SLC19A1: variants seen among roughly 807,000 people sequenced by gnomAD.
SLC19A1 encodes solute carrier family 19 member 1.
SLC19A1 carries 37 observed loss-of-function variants against 35.3 expected under a neutral mutation model. The ratio of observed to expected loss-of-function variants is 1.05; its 90% CI spans 0.81 to 1.38. The LOEUF (loss-of-function observed/expected upper bound fraction) is 1.38. Among genes scored for constraint, SLC19A1 ranks in the 40% most tolerant of loss-of-function variants. The pLI, the probability that SLC19A1 is intolerant of heterozygous loss-of-function variation, is 0.00. For synonymous variants in SLC19A1, 460 were observed against 398.5 expected, an observed-to-expected ratio of 1.15 and a Z score of -1.84; for missense variants, 831 against 826.9, an observed-to-expected ratio of 1.00 and a Z score of -0.06.
Position 45,515,968 on chromosome 21 carries a change from T to A in SLC19A1, c.1466A>T (p.Lys489Met). Residue 489 changes from lysine to methionine, a missense_variant, in exon 6 of 6, where the codon AAG becomes ATG. Lys to Met is a moderately conservative substitution (Grantham distance 95, BLOSUM62 -1). Transcript: ENST00000311124. ...KAAQALSVQD[K>M]GLGGLQPAQS... The stretch of plus-strand genomic sequence containing the variant: ...GGCTGGCTGCAGGCCTCCGAGGCCC[T>A]TGTCCTGCACGCTCAGTGCCTGTGC... The A allele has an allele frequency of 6.5e-7, 1 of 1,548,174 alleles. No homozygotes were observed. The highest frequency in any genetic ancestry group is 8.7e-7 in the Non-Finnish European group (1 of 1,146,870).
chr21:45,509,662 G>A, downstream of SLC19A1: 2 of 925,170 alleles, frequency 2.2e-6, no homozygotes, highest in Non-Finnish European at 3.4e-6. Flanking sequence ...GGCAGCAGAA[G>A]AGGGCCCAGC....
downstream of SLC19A1, among the ~76,000 whole-genome samples, chr21:45,508,540 G>A (rs979900754): frequency 6.6e-6 from 1 of 152,108 alleles, no homozygotes; most frequent in Non-Finnish European, 1.5e-5. Flanking sequence ...GTGGATGGAT[G>A]GGTAGAAATA....
upstream of SLC19A1, among the ~76,000 whole-genome samples, chr21:45,544,598 C>T (rs368348107): frequency 1.3e-5 from 2 of 152,180 alleles, no homozygotes; most frequent in African/African-American, 2.4e-5. Context: ...AGTGCCTGAG[C>T]GTCAGGGATG....
Position 45,533,287 on chromosome 21 carries a change from CTGGG to C in SLC19A1, c.190-1143_190-1140del, listed in dbSNP as rs2077997132. Among the ~76,000 whole-genome samples the C allele has an allele frequency of 2.8e-5, 1 of 36,344 alleles. No individual in the cohort carries two copies. The highest frequency in any genetic ancestry group is 7.1e-4 in the East Asian group (1 of 1,410). The allele number at this position is 36,344 out of a possible 152,430, so 23.8% of individuals were successfully genotyped here. A position where few individuals can be genotyped will look rare whatever the true frequency, so the allele number is the denominator to read the frequency against. On this transcript the variant is annotated intron_variant, in intron 2 of 5. Coordinates refer to ENST00000311124, the MANE Select transcript of SLC19A1 (RefSeq NM_194255.4). This position sits in a 1 kb window ranked among gnomAD's most constrained non-coding sequence, Gnocchi z 4.5. ...ATCCACCTTCCATGGGAACGTGGAG[CTGGG>C]CACGGGGCTGGGGGTGCTACCTCCT...
intron 1 of SLC19A1, among the ~76,000 whole-genome samples, chr21:45,538,891 C>A (rs1384768156): frequency 6.6e-6 from 1 of 152,186 alleles, no homozygotes; most frequent in Admixed American, 6.5e-5. Context: ...GCACCCCCGC[C>A]CCACACGGCC....
At chr21:45,548,827 C>A (rs2146484461), upstream of SLC19A1, among the ~76,000 whole-genome samples, 1 of 152,278 alleles carries the variant, frequency 6.6e-6, no homozygotes, top group Admixed American at 6.5e-5. Context: ...TCATAAATAT[C>A]ATAATCCTTT....
At chr21:45,520,742 C>T (rs532827886) in intron 5 of SLC19A1, among the ~76,000 whole-genome samples, 9 of 152,266 alleles carry the variant, frequency 5.9e-5, no homozygotes, top group South Asian at 2.1e-4. Flanking sequence ...AGACACTAGC[C>T]GGGCATGGTG....
intron 1 of SLC19A1, among the ~76,000 whole-genome samples, chr21:45,560,288 G>A (rs1015350849): frequency 4.6e-5 from 7 of 152,330 alleles, no homozygotes; most frequent in African/African-American, 1.7e-4. Flanking sequence ...GAGGCCAGCA[G>A]GAGCGGGACA....
At chr21:45,560,635 G>A (rs2078606844) in intron 1 of SLC19A1, among the ~76,000 whole-genome samples, 1 of 152,260 alleles carries the variant, frequency 6.6e-6, no homozygotes, top group South Asian at 2.1e-4. Context: ...CACACGGCGG[G>A]GCAGGGGAGC....
upstream of SLC19A1, among the ~76,000 whole-genome samples, chr21:45,548,554 GC>G (rs1404009723): frequency 1.3e-5 from 2 of 152,110 alleles, no homozygotes; most frequent in Non-Finnish European, 2.9e-5. Context: ...GACCAGCCTG[GC>G]CAACATGGTG....
intron 3 of SLC19A1, chr21:45,505,141 A>C (rs1418335395): frequency 1.2e-6 from 2 of 1,609,498 alleles, no homozygotes; most frequent in Non-Finnish European, 1.7e-6. Flanking sequence ...TAGGGTCCCA[A>C]GGGAGAGAGC....
In SLC19A1 at chr21:45,531,963, G is replaced by C; in HGVS notation, c.375C>G (p.Phe125Leu). The stretch of plus-strand genomic sequence containing the variant: ...TGCGCGCGGCCATGGTGACGCTGTA[G>C]AAGAGCTCCATGAGCTGCATGTGCG... ...SVAHMQLMEL[F>L]YSVTMAARIA... The change falls in exon 3 of 6, where the codon TTC becomes TTG. Residue 125 changes from phenylalanine (F) to leucine (L), a missense_variant. Coordinates refer to ENST00000311124, the MANE Select transcript of SLC19A1 (RefSeq NM_194255.4). 6.2e-7 allele frequency: 1 copy of C among 1,609,172 alleles called. No homozygotes were observed. The highest frequency in any genetic ancestry group is 8.5e-7 in the Non-Finnish European group (1 of 1,178,956).
chr21:45,510,983 CACCCCACACACACAACACA>C, downstream of SLC19A1: 6 of 24,372 alleles, frequency 2.5e-4, 1 homozygote, highest in South Asian at 8.7e-4. Context: ...ACACCCCCCA[CACCCCACACACACAACACA>C]CCCCCCCCCC....
At position 45,537,943 on chromosome 21, in the gene SLC19A1, G is replaced by C. The variant is rs1321094603; in HGVS notation, c.17C>G (p.Pro6Arg). The change falls in exon 2 of 6, where the codon CCA becomes CGA. Residue 6 changes from proline to arginine, a missense_variant. By Grantham distance (103) the Pro-to-Arg change is moderately radical. Coordinates refer to ENST00000311124, the MANE Select transcript of SLC19A1 (RefSeq NM_194255.4). The stretch of plus-strand genomic sequence containing the variant: ...CACGGGCACCTGCTTCTCCACCGCT[G>C]GGCTGGAGGGCACCATCCTGCTCAG... The part of the protein sequence containing the change: MVPSS[P>R]AVEKQVPVEP... The C allele has an allele frequency of 6.3e-7, 1 of 1,575,400 alleles. No individual in the cohort carries two copies. The highest frequency in any genetic ancestry group is 8.6e-7 in the Non-Finnish European group (1 of 1,165,550).
At chr21:45,504,175 C>A in intron 3 of SLC19A1, 1 of 1,206,662 alleles carries the variant, frequency 8.3e-7, no homozygotes, top group Non-Finnish European at 1.2e-6. Flanking sequence ...CTGCGAGGGG[C>A]GCTGGCTCCA....
chr21:45,509,688 G>A (rs1018417377), downstream of SLC19A1: 2 of 813,742 alleles, frequency 2.5e-6, no homozygotes, highest in Non-Finnish European at 4.1e-6. Context: ...CAGAGCTGCT[G>A]GGGGTCCCAG....
chr21:45,535,690 A>G (rs9984436), intron 2 of SLC19A1, among the ~76,000 whole-genome samples: 83,476 of 152,112 alleles, frequency 0.55, 23,113 homozygotes, highest in South Asian at 0.61. Context: ...TGAGGCTGCC[A>G]GCTCGTGCTC....
At chr21:45,553,326 A>G (rs1158701068) in intron 1 of SLC19A1, among the ~76,000 whole-genome samples, 1 of 151,914 alleles carries the variant, frequency 6.6e-6, no homozygotes, top group East Asian at 1.9e-4. Flanking sequence ...TCCAGGCCAC[A>G]TCCTCCCTCC....
upstream of SLC19A1, among the ~76,000 whole-genome samples, chr21:45,548,337 A>C (rs982234895): frequency 6.6e-6 from 1 of 152,236 alleles, no homozygotes; most frequent in Non-Finnish European, 1.5e-5. Context: ...AGCAAACAAA[A>C]TGCCACACCT....
Sources: gnomAD v4.1 joint callset for allele counts (sites outside exome capture counted in the v4.1 genomes callset) on GRCh38, gnomAD v4.1.1 for gene constraint, Gnocchi (gnomAD v3.1) non-coding constraint, MANE v1.5 for transcripts, NCBI Gene and HGNC (gene_info 2026-07-23, HGNC 2026-07-21) for gene names.